ETV6: variants seen among roughly 807,000 people sequenced by gnomAD.
ETV6 encodes ETS variant transcription factor 6, also known as transcription factor ETV6.
In ETV6, 16 loss-of-function variants were observed where a neutral mutation model predicts 51.1. That is an observed-to-expected ratio of 0.31 (90% confidence interval 0.21 to 0.48). The LOEUF is 0.48. Ranked by LOEUF, ETV6 falls within the 20% of genes least tolerant of loss-of-function variation. The pLI is 0.99. For synonymous variants in ETV6, 240 were observed against 224.1 expected (o/e 1.07, Z -0.64); for missense variants, 458 against 594.8 (o/e 0.77, Z 2.39).
At position 11,839,291 on chromosome 12, in the gene ETV6, A is replaced by G. The variant is rs1420169578; in HGVS notation, c.315A>G (p.Arg105=). ...LLLTKEDFRY[R]SPHSGDVLYE... ...TGACCAAAGAGGACTTTCGCTATCG[A>G]TCTCCTCATTCAGGTGAGAGTCTGG... Residue 105 remains arginine, a synonymous_variant, in exon 3 of 8, where the codon CGA becomes CGG. Coordinates refer to ENST00000396373, the MANE Select transcript of ETV6 (RefSeq NM_001987.5). The G allele has an allele frequency of 4.3e-6, 7 of 1,613,674 alleles. No homozygotes were observed. The highest frequency in any genetic ancestry group is 5.9e-6 in the Non-Finnish European group (7 of 1,179,708).
At chr12:11,751,423 C>A (rs754137565) in intron 1 of ETV6, 1 of 518,976 alleles carries the variant, frequency 1.9e-6, no homozygotes, top group South Asian at 1.4e-5. Flanking sequence ...TTTACATTGC[C>A]CAGTTAAACC....
At chr12:11,851,523 G>A (rs1245394556) in intron 3 of ETV6, among the ~76,000 whole-genome samples, 2 of 152,208 alleles carry the variant, frequency 1.3e-5, no homozygotes, top group African/African-American at 4.8e-5. Context: ...TGGATTCAAT[G>A]AATTCCGAAG....
chr12:11,866,888 C>A (rs1008181633), intron 4 of ETV6, among the ~76,000 whole-genome samples: 3 of 150,952 alleles, frequency 2.0e-5, no homozygotes, highest in Admixed American at 2.0e-4. Flanking sequence ...CTGTGGCTCC[C>A]ACTGTATGGG....
At position 11,883,927 on chromosome 12, in the gene ETV6, T is replaced by C. The variant is rs988276173; in HGVS notation, c.1010-518T>C. 3.3e-5 allele frequency among the ~76,000 whole-genome samples: 5 copies of C among 152,190 alleles called. No homozygotes were observed. The East Asian group carries it at 5.8e-4, about 18-fold the overall frequency. ...CACCATTTTTCACTCCTCACTCCTT[T>C]TTGCTGTGTTTTAGCCTACCCCAGC... is the stretch of plus-strand genomic sequence containing the variant. On this transcript the variant is annotated intron_variant, in intron 5 of 7. Transcript: ENST00000396373.
At chr12:11,751,818 T>C (rs2856338) in intron 1 of ETV6, 186,923 of 488,412 alleles carry the variant, frequency 0.38, 37,833 homozygotes, top group African/African-American at 0.51. Context: ...ATATTCATTA[T>C]TGTTGCAGAT....
At chr12:11,689,577 T>C (rs926127641) in intron 1 of ETV6, among the ~76,000 whole-genome samples, 4 of 151,924 alleles carry the variant, frequency 2.6e-5, no homozygotes, top group Non-Finnish European at 5.9e-5. Flanking sequence ...CAGATCAAAT[T>C]TGCTATTCTG....
intron 1 of ETV6, among the ~76,000 whole-genome samples, chr12:11,671,797 C>T (rs1038526017): frequency 6.6e-6 from 1 of 152,026 alleles, no homozygotes; most frequent in African/African-American, 2.4e-5. Flanking sequence ...TGACTTTTGA[C>T]CCAGCAGTTA....
intron 1 of ETV6, among the ~76,000 whole-genome samples, chr12:11,701,293 C>A (rs1864977659): frequency 6.6e-6 from 1 of 152,136 alleles, no homozygotes. Flanking sequence ...TGCCCTTCTC[C>A]CCTCCCCCAG....
chr12:11,709,763 T>C (rs1475257813), intron 1 of ETV6, among the ~76,000 whole-genome samples: 1 of 152,238 alleles, frequency 6.6e-6, no homozygotes, highest in Non-Finnish European at 1.5e-5. Flanking sequence ...AAGGCCTGAA[T>C]AGAACCGAAG....
chr12:11,724,285 CTTGGCAG>C (rs1267668031), intron 1 of ETV6, among the ~76,000 whole-genome samples: 1 of 152,206 alleles, frequency 6.6e-6, no homozygotes, highest in African/African-American at 2.4e-5. Flanking sequence ...GCGCAGCCTT[CTTGGCAG>C]GCAGCTCCCA....
chr12:11,682,992 G>A (rs575232440), intron 1 of ETV6, among the ~76,000 whole-genome samples: 1 of 152,284 alleles, frequency 6.6e-6, no homozygotes, highest in Non-Finnish European at 1.5e-5. Flanking sequence ...CACTTTCATT[G>A]TGAATGCTAA....
At position 11,884,554 on chromosome 12, in the gene ETV6, C is replaced by T. The variant is rs2136596262; in HGVS notation, c.1119C>T (p.Pro373=). The change falls in exon 6 of 8, where the codon CCC becomes CCT. Residue 373 remains proline (P), a synonymous_variant. Transcript: ENST00000396373. The part of the protein sequence containing the change: ...KESKIFRIVD[P]NGLARLWGNH... ...CCAAAATATTCCGGATAGTGGATCC[C>T]AACGGACTGGCTCGACTGTGGGGAA... 6.2e-7 allele frequency: 1 copy of T among 1,614,170 alleles called. No individual in the cohort carries two copies. The highest frequency in any genetic ancestry group is 8.5e-7 in the Non-Finnish European group (1 of 1,180,032).
intron 1 of ETV6, among the ~76,000 whole-genome samples, chr12:11,655,029 C>T (rs866852289): frequency 6.6e-6 from 1 of 152,164 alleles, no homozygotes; most frequent in Admixed American, 6.5e-5. Flanking sequence ...ACATTCTGCT[C>T]CTCTGAGTGC....
At chr12:11,719,365 C>A (rs950211315) in intron 1 of ETV6, among the ~76,000 whole-genome samples, 1 of 152,136 alleles carries the variant, frequency 6.6e-6, no homozygotes, top group African/African-American at 2.4e-5. Context: ...AAACATAGAC[C>A]CACGAAAGAT....
chr12:11,870,448 G>A (rs954094380), intron 5 of ETV6, among the ~76,000 whole-genome samples: 2 of 152,100 alleles, frequency 1.3e-5, no homozygotes, highest in African/African-American at 4.8e-5. Flanking sequence ...TGGTATTGGA[G>A]GCAGGTGTTG....
chr12:11,657,018 G>A (rs759025233), intron 1 of ETV6, among the ~76,000 whole-genome samples: 4 of 151,774 alleles, frequency 2.6e-5, no homozygotes, highest in East Asian at 1.9e-4. Flanking sequence ...GACCCAACTC[G>A]CCTGTTCTAA....
At chr12:11,883,924 C>T (rs1193047641) in intron 5 of ETV6, among the ~76,000 whole-genome samples, 5 of 152,296 alleles carry the variant, frequency 3.3e-5, no homozygotes, top group South Asian at 2.1e-4. Flanking sequence ...CTCCTCACTC[C>T]TTTTTGCTGT....
chr12:11,830,758 A>C (rs987155962), intron 2 of ETV6, among the ~76,000 whole-genome samples: 5 of 152,236 alleles, frequency 3.3e-5, no homozygotes, highest in African/African-American at 2.4e-5. Context: ...ACATGCATGG[A>C]CATGTTAACT....
At chr12:11,832,777 A>G (rs1946263296) in intron 2 of ETV6, among the ~76,000 whole-genome samples, 1 of 152,240 alleles carries the variant, frequency 6.6e-6, no homozygotes, top group African/African-American at 2.4e-5. Context: ...GAGCTTGGAA[A>G]ATGTCCAAAA....
Sources: gnomAD v4.1 joint callset for allele counts (sites outside exome capture counted in the v4.1 genomes callset) on GRCh38, gnomAD v4.1.1 for gene constraint, MANE v1.5 for transcripts, NCBI Gene and HGNC (gene_info 2026-07-23, HGNC 2026-07-21) for gene names.